PLXNB3: variants seen among roughly 807,000 people sequenced by gnomAD.
The protein encoded by PLXNB3 is plexin-B3.
PLXNB3 carries 80 observed loss-of-function variants against 125.7 expected under a neutral mutation model. The observed-to-expected ratio is 0.64, with a 90% CI of 0.53 to 0.77. PLXNB3 has a LOEUF of 0.77. Among genes scored for constraint, PLXNB3 ranks in the 30% least tolerant of loss-of-function variants. PLXNB3 has a pLI of 0.00. For missense variants in PLXNB3, 1,836 were observed against 1,729.3 expected (o/e 1.06, Z -1.09); for synonymous variants, 954 against 783.3 (o/e 1.22, Z -3.64).
At chrX:153,777,008 C>A in intron 29 of PLXNB3, 28 bp downstream of exon 29, 1 of 1,071,472 alleles carries the variant, frequency 9.3e-7, no homozygotes. Flanking sequence ...GACCTGGGGC[C>A]ACTGGAGTCC....
intron 35 of PLXNB3, 75 bp from the exon 36 acceptor site, chrX:153,778,860 G>A: frequency 9.0e-7 from 1 of 1,110,427 alleles, no homozygotes; most frequent in African/African-American, 1.8e-5. Flanking sequence ...CTGCGGTGAT[G>A]GAAGCAGGGT....
rs1333118974 is a variant in PLXNB3, at chrX:153,779,330, C to G, written c.*291C>G. 9.1e-6 allele frequency: 2 copies of G among 220,689 alleles called. No homozygotes were observed. Among genetic ancestry groups the G allele is most frequent in the Non-Finnish European group, 1.6e-5 (2 of 121,978 alleles). The allele number at this position is 220,689 out of a possible 1,213,427, so 18.2% of individuals were successfully genotyped here. A position where few individuals can be genotyped will look rare whatever the true frequency, so the allele number is the denominator to read the frequency against. On this transcript the variant is annotated 3_prime_UTR_variant, in exon 36 of 36. Transcript: ENST00000361971. The stretch of plus-strand genomic sequence containing the variant: ...ATCCGGAAATAAAATAGAAATATGT[C>G]TTTTTATTTTATTTTGAGACGGAGT...
Position 153,771,421 on chromosome X carries a change from CAGGCAGGCG to C in PLXNB3, c.2347+19_2347+27del, listed in dbSNP as rs1557061823. 8.3e-7 allele frequency: 1 copy of C among 1,207,484 alleles called. No homozygotes were observed. The highest frequency in any genetic ancestry group is 1.8e-5 in the South Asian group (1 of 56,913). On this transcript the variant is annotated intron_variant, in intron 13 of 35. Transcript: ENST00000361971. Reference sequence around the variant, plus strand: ...TCTTTATGGTGAGCCTGAGGGCAGCCAGGCAGGCGGGGCAGGGTGGGTGGCAGACAGGAG... The same window carrying C: ...TCTTTATGGTGAGCCTGAGGGCAGCCGGGCAGGGTGGGTGGCAGACAGGAG...
Position 153,768,173 on chromosome X carries a change from C to T in PLXNB3, c.1087-76C>T, listed in dbSNP as rs1163034599. The T allele has an allele frequency of 5.8e-6, 6 of 1,032,511 alleles. No homozygotes were observed. The East Asian group carries it at 1.2e-4, about 21-fold the overall frequency. 85.1% of individuals were successfully genotyped at this position (1,032,511 alleles called of 1,213,427 possible). On this transcript the variant is annotated intron_variant, in intron 3 of 35. Coordinates refer to ENST00000361971, the MANE Select transcript of PLXNB3 (RefSeq NM_005393.3). The stretch of plus-strand genomic sequence containing the variant: ...CCCAGGGTGCCTGGCTCTCCTCCCG[C>T]TGGCAGCCTGGGTACCCCCCCTGAC...
chrX:153,770,773 C>T lies in PLXNB3; in HGVS notation c.2026C>T (p.Arg676Cys), dbSNP rs782515421. The T allele has an allele frequency of 2.4e-5, 29 of 1,204,722 alleles. No individual in the cohort carries two copies. Among genetic ancestry groups the T allele is most frequent in the East Asian group, 5.9e-5 (2 of 33,640 alleles). ...YSAQEVDIQV[R>C]GPGACPQVEG... The stretch of plus-strand genomic sequence containing the variant: ...GTTTTCCCAGGTGGACATCCAGGTG[C>T]GTGGCCCAGGGGCTTGCCCACAGGT... The change falls in exon 11 of 36, where the codon CGT becomes TGT. Residue 676 changes from arginine (R) to cysteine (C), a missense_variant. Coordinates refer to ENST00000361971, the MANE Select transcript of PLXNB3 (RefSeq NM_005393.3).
Position 153,769,025 on chromosome X carries a change from C to A in PLXNB3, c.1344C>A (p.Asp448Glu). The A allele has an allele frequency of 8.3e-7, 1 of 1,210,751 alleles. No homozygotes were observed. The highest frequency in any genetic ancestry group is 1.1e-6 in the Non-Finnish European group (1 of 894,417). ...CTCCAGGCTCAGCCATCAGCCCAGA[C>A]CTGCTGCTGGACAGCAGTGGCAGTC... ...VGPPGSAISPDLLLDSSGSHL... is the reference protein window; with the variant it reads ...VGPPGSAISPELLLDSSGSHL... The change falls in exon 5 of 36, where the codon GAC becomes GAA. Residue 448 changes from aspartate (D) to glutamate (E), a missense_variant. Physicochemically the swap from Asp to Glu is conservative, Grantham distance 45. Coordinates refer to ENST00000361971, the MANE Select transcript of PLXNB3 (RefSeq NM_005393.3).
rs1411887920 is a variant in PLXNB3, at chrX:153,769,142, C to G, written c.1396-20C>G. On this transcript the variant is annotated intron_variant, in intron 5 of 35. Transcript: ENST00000361971. The stretch of plus-strand genomic sequence containing the variant: ...CCCAAGTCTCGTGCCCATTGCCTCT[C>G]TGCTCTGCTGCCCCTCCAGGTGGAC... 3.3e-6 allele frequency: 4 copies of G among 1,194,076 alleles called. No individual in the cohort carries two copies. Among genetic ancestry groups the G allele is most frequent in the African/African-American group, 3.5e-5 (2 of 57,167 alleles).
intron 28 of PLXNB3, 71 bp downstream of exon 28, chrX:153,776,530 T>C (rs1323218016): frequency 1.2e-4 from 2 of 17,183 alleles, no homozygotes; most frequent in Non-Finnish European, 1.8e-4. Flanking sequence ...AGGGCGGGGC[T>C]GGGGCGGGGC....
chrX:153,774,579 C>T lies in PLXNB3; in HGVS notation c.3830+8C>T, dbSNP rs2091965918. The T allele has an allele frequency of 8.4e-7, 1 of 1,186,375 alleles. No individual in the cohort carries two copies. The highest frequency in any genetic ancestry group is 1.1e-6 in the Non-Finnish European group (1 of 880,730). On this transcript the variant is annotated splice_region_variant and intron_variant, in intron 22 of 35. Coordinates refer to ENST00000361971, the MANE Select transcript of PLXNB3 (RefSeq NM_005393.3). ...CCTCACCCTCATGTACAGGTGAGAC[C>T]CGCCCACCCCCAGCACACTTCCCTC...
intron 22 of PLXNB3, 61 bp downstream of exon 22, chrX:153,774,632 G>A: frequency 8.6e-7 from 1 of 1,157,170 alleles, no homozygotes; most frequent in Non-Finnish European, 1.2e-6. Context: ...CGCCCTGGCA[G>A]GCGGCTGGCC....
chrX:153,769,716 TCCAGCTGGGCCGGCCTCC>T (rs2091903318), intron 6 of PLXNB3, 73 bp from the exon 7 acceptor site: 16 of 988,256 alleles, frequency 1.6e-5, no homozygotes, highest in Non-Finnish European at 2.2e-5. Context: ...CCCACTGCAC[TCCAGCTGGGCCGGCCTCC>T]CCAGGCCCCT....
In PLXNB3 at chrX:153,775,364, C is replaced by T. The variant is rs1048660836; in HGVS notation, c.4295C>T (p.Ala1432Val). The change falls in exon 25 of 36, where the codon GCC (alanine) becomes GTC (valine). Residue 1432 changes from alanine to valine, a missense_variant. Ala to Val is a moderately conservative substitution (Grantham distance 64, BLOSUM62 0). Transcript: ENST00000361971. ...AGGACCCTGCTGGGTGACCTGGCGG[C>T]CCATTACGTGCACAGGAACCCCAAG... ...IMRTLLGDLA[A>V]HYVHRNPKLM... is the part of the protein sequence containing the mutation. 2 of 1,209,095 alleles carry T rather than the reference C, an allele frequency of 1.7e-6. No individual in the cohort carries two copies. The highest frequency in any genetic ancestry group is 3.5e-5 in the African/African-American group (2 of 57,965).
At position 153,771,332 on chromosome X, in the gene PLXNB3, G is replaced by A. The variant is rs964030825; in HGVS notation, c.2276G>A (p.Arg759Gln). The A allele has an allele frequency of 1.2e-5, 15 of 1,208,437 alleles. No individual in the cohort carries two copies. Among genetic ancestry groups the A allele is most frequent in the Middle Eastern group, 2.3e-4 (1 of 4,367 alleles). ...CAGTTTTATCCCTCCATGTCCCAGCGGGAGCTCCCAGTGCCCATCTACGTC... is the reference window on the plus strand; with the variant it reads ...CAGTTTTATCCCTCCATGTCCCAGCAGGAGCTCCCAGTGCCCATCTACGTC... ...AHQFYPSMSQ[R>Q]ELPVPIYVTQ... Residue 759 changes from arginine to glutamine, a missense_variant, in exon 13 of 36, where the codon CGG (arginine) becomes CAG (glutamine). Transcript: ENST00000361971.
intron 32 of PLXNB3, 41 bp from the exon 33 acceptor site, chrX:153,778,220 C>T: frequency 8.3e-7 from 1 of 1,200,394 alleles, no homozygotes; most frequent in Non-Finnish European, 1.1e-6. Flanking sequence ...GCACCTTCAC[C>T]TCCGAGCTCA....
chrX:153,778,131 C>T (rs782154460), intron 32 of PLXNB3, 36 bp downstream of exon 32: 1 of 1,209,681 alleles, frequency 8.3e-7, no homozygotes, highest in Non-Finnish European at 1.1e-6. Flanking sequence ...CTGGCAGGGG[C>T]TTGAGGAGGA....
chrX:153,776,291 T>C (rs1297780136), intron 27 of PLXNB3, 65 bp from the exon 28 acceptor site: 5 of 1,071,285 alleles, frequency 4.7e-6, no homozygotes, highest in East Asian at 3.1e-5. Context: ...CTCAACTGTG[T>C]CTTACTATGA....
intron 28 of PLXNB3, 141 bp from the exon 29 acceptor site, chrX:153,776,736 AGGCAGGGAAG>A (rs2091999311): frequency 1.3e-5 from 3 of 223,356 alleles, no homozygotes; most frequent in Non-Finnish European, 2.2e-5. Flanking sequence ...GGGCGAGGCA[AGGCAGGGAAG>A]GGCAGGGATG....
intron 1 of PLXNB3, 103 bp from the exon 2 acceptor site, chrX:153,765,368 G>A (rs782058505): frequency 1.8e-4 from 105 of 580,887 alleles, no homozygotes; most frequent in Non-Finnish European, 2.6e-4. Context: ...CCAGCTGTGA[G>A]GGAGCCCGGT....
chrX:153,767,377 G>T lies in PLXNB3; in HGVS notation c.550G>T (p.Asp184Tyr). The T allele has an allele frequency of 3.4e-6, 4 of 1,191,740 alleles. No individual in the cohort carries two copies. The highest frequency in any genetic ancestry group is 4.5e-6 in the Non-Finnish European group (4 of 885,078). ...VGLVVPLPGRDLLLVARGLAG... is the reference protein window; with the variant it reads ...VGLVVPLPGRYLLLVARGLAG... ...GCTGGTGGTGCCCTTGCCCGGCCGGGACCTCCTGCTTGTGGCCAGAGGCCT... is the reference window on the plus strand; with the variant it reads ...GCTGGTGGTGCCCTTGCCCGGCCGGTACCTCCTGCTTGTGGCCAGAGGCCT... The change falls in exon 3 of 36, where the codon GAC (aspartate) becomes TAC (tyrosine). Residue 184 changes from aspartate to tyrosine, a missense_variant. Coordinates refer to ENST00000361971, the MANE Select transcript of PLXNB3 (RefSeq NM_005393.3).
Sources: allele counts gnomAD v4.1 joint callset, GRCh38; gene constraint gnomAD v4.1.1; transcripts MANE v1.5; gene names NCBI Gene and HGNC (gene_info 2026-07-23, HGNC 2026-07-21).